Variants in TTC6 observed in about 807,000 individuals in gnomAD.
The protein encoded by TTC6 is tetratricopeptide repeat protein 6.
In TTC6, 172 loss-of-function variants were observed where a neutral mutation model predicts 210.4. That is an observed-to-expected ratio of 0.82 (90% CI 0.72 to 0.93). The LOEUF is 0.93. TTC6 is among the 40% of genes least tolerant of loss of function. The pLI, the probability that TTC6 is intolerant of heterozygous loss-of-function variation, is 0.00. For synonymous variants in TTC6, 804 were observed against 819.6 expected (o/e 0.98, Z 0.32); for missense variants, 2,414 against 2,318.1 (o/e 1.04, Z -0.85).
chr14:37,731,963 G>A (rs190685197), intron 7 of TTC6, among the ~76,000 whole-genome samples: 1 of 151,736 alleles, frequency 6.6e-6, no homozygotes, highest in Admixed American at 6.6e-5. Flanking sequence ...GGTGTATTGT[G>A]TTTTATCATT....
At chr14:37,784,014 G>A (rs988790023) in intron 14 of TTC6, among the ~76,000 whole-genome samples, 2 of 152,118 alleles carry the variant, frequency 1.3e-5, no homozygotes, top group African/African-American at 2.4e-5. Flanking sequence ...TATAATTTCT[G>A]TTCTTTTACA....
intron 14 of TTC6, among the ~76,000 whole-genome samples, chr14:37,770,234 GT>G (rs1241317124): frequency 4.6e-5 from 7 of 152,124 alleles, no homozygotes; most frequent in African/African-American, 1.7e-4. Flanking sequence ...TATGTGGTCA[GT>G]TTTGGAATAG....
In TTC6 at chr14:37,682,997, A is replaced by G. The variant is rs74587202; in HGVS notation, c.1257+33A>G. ...ACTATTTATGTTGGAAACACCTAAGAGTTATGAGAATTGAGGATGTGCAGG... is the reference window on the plus strand; with the variant it reads ...ACTATTTATGTTGGAAACACCTAAGGGTTATGAGAATTGAGGATGTGCAGG... On this transcript the variant is annotated intron_variant, in intron 3 of 30. Transcript: ENST00000553443. 3.0e-3 allele frequency: 4,550 copies of G among 1,522,894 alleles called. 92 individuals are homozygous for G. The African/African-American group carries it at 0.053, about 18-fold the overall frequency. 94.3% of individuals were successfully genotyped at this position (1,522,894 alleles called of 1,614,324 possible).
chr14:37,792,160 G>T, intron 16 of TTC6, 104 bp from the exon 19 acceptor site: 1 of 897,614 alleles, frequency 1.1e-6, no homozygotes, highest in Non-Finnish European at 1.6e-6. Flanking sequence ...AAAATACTCT[G>T]ATGAATACTG....
At chr14:37,686,914 G>T (rs887185227) in intron 3 of TTC6, among the ~76,000 whole-genome samples, 5 of 152,144 alleles carry the variant, frequency 3.3e-5, no homozygotes, top group African/African-American at 1.2e-4. Context: ...AAAACTTGCT[G>T]ATTGAATTTG....
chr14:37,791,456 G>A (rs755515489), intron 16 of TTC6, among the ~76,000 whole-genome samples: 33 of 152,104 alleles, frequency 2.2e-4, no homozygotes, highest in Non-Finnish European at 7.4e-5. Context: ...GTGTCAGAAA[G>A]AGTAACTAAT....
exon 1 of TTC6, chr14:37,622,694 AGAG>A: frequency 6.5e-7 from 1 of 1,535,094 alleles, no homozygotes; most frequent in Non-Finnish European, 8.7e-7. Context: ...CCGTCTCCGC[AGAG>A]GACGGCTACA....
intron 5 of TTC6, among the ~76,000 whole-genome samples, chr14:37,703,623 T>C (rs904838652): frequency 9.2e-5 from 14 of 152,122 alleles, no homozygotes; most frequent in Non-Finnish European, 4.4e-5. Context: ...ATAGTTGTGG[T>C]TGTGTAGTTT....
At chr14:37,783,679 A>G (rs1410042434) in intron 14 of TTC6, among the ~76,000 whole-genome samples, 2 of 151,756 alleles carry the variant, frequency 1.3e-5, no homozygotes, top group African/African-American at 4.8e-5. Context: ...CTAGCTTTTG[A>G]ATGTGTTTGC....
intron 14 of TTC6, among the ~76,000 whole-genome samples, chr14:37,758,510 C>T (rs796256948): frequency 1.3e-5 from 2 of 152,230 alleles, no homozygotes; most frequent in African/African-American, 4.8e-5. Flanking sequence ...ATTGTAACCC[C>T]TGCTTTTTTT....
At chr14:37,617,799 T>A (rs886736476), upstream of TTC6, among the ~76,000 whole-genome samples, 6 of 152,196 alleles carry the variant, frequency 3.9e-5, no homozygotes, top group African/African-American at 1.4e-4. Context: ...TTTTGGAACT[T>A]TAGTACTGTG....
chr14:37,798,499 G>C (rs1023088337), intron 20 of TTC6, among the ~76,000 whole-genome samples: 1 of 151,844 alleles, frequency 6.6e-6, no homozygotes, highest in African/African-American at 2.4e-5. Context: ...TTCTTAAAAT[G>C]TTTAGTTCTG....
At chr14:37,719,414 A>C (rs974573733) in intron 6 of TTC6, among the ~76,000 whole-genome samples, 4 of 152,158 alleles carry the variant, frequency 2.6e-5, no homozygotes, top group African/African-American at 7.2e-5. Context: ...TTGGATAAGA[A>C]GAATAAAATG....
intron 1 of TTC6, among the ~76,000 whole-genome samples, chr14:37,675,577 T>G (rs1055455059): frequency 1.2e-4 from 19 of 152,152 alleles, no homozygotes; most frequent in African/African-American, 4.1e-4. Flanking sequence ...TCAGTTTTTT[T>G]GGGGGCATAT....
intron 7 of TTC6, among the ~76,000 whole-genome samples, chr14:37,734,743 G>C (rs186626579): frequency 1.4e-3 from 215 of 152,088 alleles, no homozygotes; most frequent in African/African-American, 5.0e-3. Context: ...AAGTAACACT[G>C]TAAGTGCCCT....
At chr14:37,783,564 A>G (rs1298795212) in intron 14 of TTC6, among the ~76,000 whole-genome samples, 4 of 150,978 alleles carry the variant, frequency 2.6e-5, no homozygotes, top group African/African-American at 9.8e-5. Flanking sequence ...AATTTTGTTG[A>G]TGTTTTCAGA....
intron 6 of TTC6, among the ~76,000 whole-genome samples, chr14:37,715,877 G>GA (rs1181885548): frequency 3.3e-5 from 5 of 152,024 alleles, no homozygotes; most frequent in Non-Finnish European, 4.4e-5. Context: ...AATGATAAGA[G>GA]AAAAAATCCA....
intron 14 of TTC6, among the ~76,000 whole-genome samples, chr14:37,761,775 T>C (rs1415674118): frequency 6.6e-6 from 1 of 152,212 alleles, no homozygotes; most frequent in Non-Finnish European, 1.5e-5. Context: ...TATGTCTAGC[T>C]TCTTTCTCTG....
Position 37,622,416 on chromosome 14 carries a change from C to CG in TTC6, c.355dup (p.Asp119GlyfsTer216), listed in dbSNP as rs2095652857. The CG allele has an allele frequency of 6.5e-7, 1 of 1,534,718 alleles. No homozygotes were observed. The highest frequency in any genetic ancestry group is 2.5e-5 in the East Asian group (1 of 40,710). ...AGGCAAGACCCGGTCGTTTCGCCCCCGGGACTTTTACTTGCGGAGCTCCGC... is the reference window on the plus strand; with the variant it reads ...AGGCAAGACCCGGTCGTTTCGCCCCCGGGGACTTTTACTTGCGGAGCTCCGC... On this transcript the variant is annotated frameshift_variant, in exon 1 of 31. Coordinates refer to ENST00000553443, the Ensembl canonical transcript of TTC6. LOFTEE classifies it high-confidence loss of function.
Sources: gnomAD v4.1 joint callset for allele counts (sites outside exome capture counted in the v4.1 genomes callset) on GRCh38, gnomAD v4.1.1 for gene constraint, MANE v1.5 for transcripts, NCBI Gene and HGNC (gene_info 2026-07-23, HGNC 2026-07-21) for gene names.